DDX47: variants seen among roughly 807,000 people sequenced by gnomAD.
DDX47 encodes the protein probable ATP-dependent RNA helicase DDX47.
In DDX47, 60 loss-of-function variants were observed where a neutral mutation model predicts 58.8. The ratio of observed to expected loss-of-function variants is 1.02; its 90% CI spans 0.83 to 1.26. The LOEUF (loss-of-function observed/expected upper bound fraction) is 1.26, where lower values mean the gene tolerates loss of function less well. DDX47 is among the 50% of genes most tolerant of loss of function. The pLI, the probability that DDX47 is intolerant of heterozygous loss-of-function variation, is 0.00. For missense variants in DDX47, 530 were observed against 573.2 expected, an observed-to-expected ratio of 0.92 and a Z score of 0.77; for synonymous variants, 197 against 204.6, an observed-to-expected ratio of 0.96 and a Z score of 0.32.
intron 2 of DDX47, among the ~76,000 whole-genome samples, chr12:12,816,209 G>C (rs1031591398): frequency 9.9e-5 from 15 of 152,282 alleles, no homozygotes; most frequent in African/African-American, 3.4e-4. Context: ...TGACCTTGTG[G>C]GAGGGGAATG....
intron 2 of DDX47, chr12:12,820,502 T>G (rs1007539444): frequency 6.5e-6 from 1 of 153,082 alleles, no homozygotes; most frequent in Admixed American, 6.5e-5. Flanking sequence ...GCTATGTTCT[T>G]TTTATTTTTT....
In DDX47 at chr12:12,814,883, G is replaced by T. The variant is rs142770450; in HGVS notation, c.181+659G>T. Among the ~76,000 whole-genome samples the T allele has an allele frequency of 3.8e-3, 578 of 152,224 alleles. 4 individuals are homozygous for T. The highest frequency in any genetic ancestry group is 0.013 in the African/African-American group (555 of 41,520). ...GTAGAGATGGGGTTTCAGCATGTTGGCCAGGCTGGTCTCGAACTCCTGACC... is the reference window on the plus strand; with the variant it reads ...GTAGAGATGGGGTTTCAGCATGTTGTCCAGGCTGGTCTCGAACTCCTGACC... On this transcript the variant is annotated intron_variant, in intron 2 of 11. Coordinates refer to ENST00000358007, the MANE Select transcript of DDX47 (RefSeq NM_016355.4).
intron 2 of DDX47, among the ~76,000 whole-genome samples, chr12:12,819,141 T>A (rs1485852034): frequency 6.6e-6 from 1 of 152,206 alleles, no homozygotes; most frequent in Non-Finnish European, 1.5e-5. Flanking sequence ...GCCTTCCTCC[T>A]TAATTTCAAG....
At position 12,822,660 on chromosome 12, in the gene DDX47, G is replaced by C; in HGVS notation, c.562-1G>C. On this transcript the variant is annotated splice_acceptor_variant, in intron 5 of 11. Transcript: ENST00000358007. LOFTEE classifies it high-confidence loss of function. Reference sequence around the variant, plus strand: ...GGCATCTTTTCCTCTTTGTGCTTTAGGTTGACAAGATCCTCAAAGTGATTC... The same window carrying C: ...GGCATCTTTTCCTCTTTGTGCTTTACGTTGACAAGATCCTCAAAGTGATTC... 1.2e-6 allele frequency: 2 copies of C among 1,613,512 alleles called. No individual in the cohort carries two copies. Among genetic ancestry groups the C allele is most frequent in the Non-Finnish European group, 1.7e-6 (2 of 1,179,662 alleles).
rs1389362785 is a variant in DDX47, at chr12:12,821,267, C to G, written c.241C>G (p.Pro81Ala). 5 of 1,614,092 alleles carry G rather than the reference C, an allele frequency of 3.1e-6. No homozygotes were observed. The highest frequency in any genetic ancestry group is 4.2e-6 in the Non-Finnish European group (5 of 1,180,052). The change falls in exon 3 of 12, where the codon CCC (proline) becomes GCC (alanine). Residue 81 changes from proline (P) to alanine (A), a missense_variant. Pro to Ala is a conservative substitution (Grantham distance 27). Transcript: ENST00000358007. ...GSGKTGAFAL[P>A]ILNALLETPQ... is the part of the protein sequence containing the mutation. ...TGGAAAGACAGGCGCCTTTGCTTTG[C>G]CCATTCTAAACGCACTGCTGGAGAC...
In DDX47 at chr12:12,822,094, A is replaced by C. The variant is rs542683731; in HGVS notation, c.561+11A>C. On this transcript the variant is annotated intron_variant, in intron 5 of 11. Coordinates refer to ENST00000358007, the MANE Select transcript of DDX47 (RefSeq NM_016355.4). ...GATTTTGAGACAGAGGTGAGCTCTC[A>C]ATTTCTTTCCTCCTCTTAGAGCATC... 1 of 1,582,904 alleles carries C rather than the reference A, an allele frequency of 6.3e-7. No homozygotes were observed. The highest frequency in any genetic ancestry group is 1.7e-5 in the Admixed American group (1 of 59,434).
At chr12:12,822,823 G>T in intron 6 of DDX47, 91 bp downstream of exon 6, 2 of 1,161,264 alleles carry the variant, frequency 1.7e-6, no homozygotes, top group South Asian at 1.3e-5. Context: ...AATTGCTTTA[G>T]TCCGTTTTCA....
Position 12,823,861 on chromosome 12 carries a change from G to GT in DDX47, c.751-8dup, listed in dbSNP as rs757775965. 6.2e-7 allele frequency: 1 copy of GT among 1,612,684 alleles called. No individual in the cohort carries two copies. The highest frequency in any genetic ancestry group is 1.1e-5 in the South Asian group (1 of 90,904). On this transcript the variant is annotated splice_polypyrimidine_tract_variant and intron_variant, in intron 7 of 11. Transcript: ENST00000358007. The stretch of plus-strand genomic sequence containing the variant: ...CAATGACATATATTGTTTTGGGTTT[G>GT]TAACTTAGGATACCTACCTGGTTTA...
intron 2 of DDX47, among the ~76,000 whole-genome samples, chr12:12,816,907 A>G (rs1862905476): frequency 6.6e-6 from 1 of 152,200 alleles, no homozygotes; most frequent in Non-Finnish European, 1.5e-5. Context: ...GCTGGCAGTA[A>G]TCCTAAAATT....
intron 11 of DDX47, among the ~76,000 whole-genome samples, chr12:12,828,032 A>G (rs1863082886): frequency 6.6e-6 from 1 of 151,758 alleles, no homozygotes; most frequent in Non-Finnish European, 1.5e-5. Context: ...TGCCCAGCTA[A>G]TTTTGTATTT....
At chr12:12,827,619 C>T (rs1018411833) in intron 11 of DDX47, among the ~76,000 whole-genome samples, 5 of 152,166 alleles carry the variant, frequency 3.3e-5, no homozygotes, top group South Asian at 2.1e-4. Flanking sequence ...ATGTGTCGCA[C>T]GTGGTGAGAT....
At position 12,827,388 on chromosome 12, in the gene DDX47, C is replaced by A. The variant is rs961671770; in HGVS notation, c.1236+13C>A. 6.2e-7 allele frequency: 1 copy of A among 1,613,678 alleles called. No homozygotes were observed. Among genetic ancestry groups the A allele is most frequent in the African/African-American group, 1.3e-5 (1 of 75,046 alleles). On this transcript the variant is annotated intron_variant, in intron 11 of 11. Transcript: ENST00000358007. ...GTTTGCCCGAATGGTATGCATCTTTCTTTTCTCACCAGTGTCTGTGCAAAC... is the reference window on the plus strand; with the variant it reads ...GTTTGCCCGAATGGTATGCATCTTTATTTTCTCACCAGTGTCTGTGCAAAC...
intron 10 of DDX47, among the ~76,000 whole-genome samples, chr12:12,826,914 C>T (rs1048605855): frequency 2.0e-5 from 3 of 152,066 alleles, no homozygotes; most frequent in African/African-American, 7.2e-5. Context: ...CATGCCACCA[C>T]GGTTGGCTAA....
At position 12,827,395 on chromosome 12, in the gene DDX47, C is replaced by A. The variant is rs1471453055; in HGVS notation, c.1236+20C>A. ...CGAATGGTATGCATCTTTCTTTTCTCACCAGTGTCTGTGCAAACAATGTTA... is the reference window on the plus strand; with the variant it reads ...CGAATGGTATGCATCTTTCTTTTCTAACCAGTGTCTGTGCAAACAATGTTA... On this transcript the variant is annotated intron_variant, in intron 11 of 11. Transcript: ENST00000358007. 1 of 1,613,254 alleles carries A rather than the reference C, an allele frequency of 6.2e-7. No homozygotes were observed. The highest frequency in any genetic ancestry group is 2.2e-5 in the East Asian group (1 of 44,876).
chr12:12,819,386 A>G (rs1210677646), intron 2 of DDX47, among the ~76,000 whole-genome samples: 2 of 149,836 alleles, frequency 1.3e-5, no homozygotes, highest in African/African-American at 4.9e-5. Context: ...TCTAGGTCCC[A>G]GCCAAGACCT....
intron 10 of DDX47, 120 bp from the exon 11 acceptor site, chr12:12,827,126 T>G (rs1277467705): frequency 4.0e-6 from 5 of 1,246,088 alleles, no homozygotes; most frequent in Non-Finnish European, 5.6e-6. Flanking sequence ...AAAGAAATAA[T>G]ATGTTCAATA....
intron 9 of DDX47, among the ~76,000 whole-genome samples, chr12:12,825,429 C>T (rs1002771178): frequency 3.3e-5 from 5 of 152,140 alleles, no homozygotes; most frequent in African/African-American, 1.2e-4. Context: ...CACAGTCTTC[C>T]ACCTGTGATA....
chr12:12,823,347 C>A, intron 7 of DDX47, 28 bp downstream of exon 7: 1 of 1,275,392 alleles, frequency 7.8e-7, no homozygotes, highest in Non-Finnish European at 1.1e-6. Context: ...ATCATTCCTG[C>A]CTCTCCCTCT....
rs1862977236 is a variant in DDX47, at chr12:12,821,846, T to G, written c.443-119T>G. The G allele has an allele frequency of 1.3e-5, 16 of 1,196,650 alleles. No homozygotes were observed. In the East Asian group the frequency reaches 2.8e-4, roughly 21 times the overall value. 74.1% of individuals were successfully genotyped at this position (1,196,650 alleles called of 1,614,324 possible). A position where few individuals can be genotyped will look rare whatever the true frequency, so the allele number is the denominator to read the frequency against. On this transcript the variant is annotated intron_variant, in intron 4 of 11. Transcript: ENST00000358007. ...AACCCTGTTAAATTTTTTAATTTCT[T>G]AAGTTAAATTTGGTGGAGAGCTGTG... is the stretch of plus-strand genomic sequence containing the variant.
Sources: gnomAD v4.1 joint callset for allele counts (sites outside exome capture counted in the v4.1 genomes callset) on GRCh38, gnomAD v4.1.1 for gene constraint, MANE v1.5 for transcripts, NCBI Gene and HGNC (gene_info 2026-07-23, HGNC 2026-07-21) for gene names.